The following CHN1 variants were observed in gnomAD, a reference collection of about 807,000 sequenced individuals.
The protein encoded by CHN1 is chimerin 1, also known as N-chimaerin.
A neutral mutation model predicts 59.5 loss-of-function variants in CHN1; 37 were observed. The observed-to-expected ratio is 0.62, with a 90% CI of 0.48 to 0.82. CHN1 has a LOEUF of 0.82. Among genes scored for constraint, CHN1 ranks in the 40% least tolerant of loss-of-function variants. The probability of loss-of-function intolerance (pLI) is 0.00; values close to 1 mark genes in which losing one functional copy is unlikely to be tolerated. For missense variants in CHN1, 469 were observed against 571.0 expected (o/e 0.82, Z 1.82); for synonymous variants, 206 against 200.4 (o/e 1.03, Z -0.24).
intron 5 of CHN1, among the ~76,000 whole-genome samples, chr2:174,885,704 C>T (rs1687875761): frequency 6.6e-6 from 1 of 152,042 alleles, no homozygotes; most frequent in South Asian, 2.1e-4. Context: ...CTCCTGGCTT[C>T]GTGTGACCTG....
intron 8 of CHN1, among the ~76,000 whole-genome samples, chr2:174,814,440 T>C (rs1558934765): frequency 6.6e-6 from 1 of 152,242 alleles, no homozygotes. Flanking sequence ...ACTGTCCACT[T>C]AAAAGATCTC....
At chr2:174,981,700 A>G (rs1208149727) in intron 1 of CHN1, among the ~76,000 whole-genome samples, 1 of 152,198 alleles carries the variant, frequency 6.6e-6, no homozygotes, top group African/African-American at 2.4e-5. Context: ...TTGCCCATTA[A>G]CTTAGGAAGC....
At chr2:174,901,867 G>T (rs1351839556) in intron 5 of CHN1, among the ~76,000 whole-genome samples, 1 of 152,024 alleles carries the variant, frequency 6.6e-6, no homozygotes, top group African/African-American at 2.4e-5. Context: ...GTGAAAATCA[G>T]AATTTTTAAA....
chr2:174,852,093 AT>A (rs1472543040), intron 6 of CHN1, among the ~76,000 whole-genome samples: 1 of 151,284 alleles, frequency 6.6e-6, no homozygotes, highest in African/African-American at 2.4e-5. Flanking sequence ...CCTGGCCAAC[AT>A]GATGAAACCC....
chr2:175,005,321 G>A lies in CHN1; in HGVS notation c.-409C>T. Reference sequence around the variant, plus strand: ...CAGCAGCCTCGCACAGCCCCCGGCGGGGCGCGCTCACTCCGCATCCCGCGG... The same window carrying A: ...CAGCAGCCTCGCACAGCCCCCGGCGAGGCGCGCTCACTCCGCATCCCGCGG... On this transcript the variant is annotated 5_prime_UTR_variant, in exon 1 of 13. Transcript: ENST00000409900. 8.5e-7 allele frequency: 1 copy of A among 1,179,766 alleles called. No individual in the cohort carries two copies. The highest frequency in any genetic ancestry group is 1.1e-6 in the Non-Finnish European group (1 of 935,984). 73.1% of individuals were successfully genotyped at this position (1,179,766 alleles called of 1,614,324 possible).
intron 1 of CHN1, among the ~76,000 whole-genome samples, chr2:174,995,402 C>T (rs1160629948): frequency 1.3e-5 from 2 of 152,202 alleles, no homozygotes; most frequent in Non-Finnish European, 2.9e-5. Flanking sequence ...CAGTGGTCCC[C>T]AACCTTTTTG....
intron 5 of CHN1, among the ~76,000 whole-genome samples, chr2:174,898,610 A>G (rs562551780): frequency 1.9e-3 from 296 of 152,314 alleles, no homozygotes; most frequent in Middle Eastern, 6.8e-3. Context: ...TCTCAAAAAA[A>G]CAAAGAAATT....
In CHN1 at chr2:174,799,055, G is replaced by A. The variant is rs1451427040; in HGVS notation, c.*1061C>T. On this transcript the variant is annotated 3_prime_UTR_variant, in exon 13 of 13. Coordinates refer to ENST00000409900, the MANE Select transcript of CHN1 (RefSeq NM_001822.7). ...AGGCAGCATTGTCAGCTCAATGCAT[G>A]TTGATGTCATATATTTTTGACAAAT... Among the ~76,000 whole-genome samples, 1 of 152,216 alleles carries A rather than the reference G, an allele frequency of 6.6e-6. No homozygotes were observed. Among genetic ancestry groups the A allele is most frequent in the African/African-American group, 2.4e-5 (1 of 41,446 alleles).
chr2:174,933,113 A>C (rs2105390341), intron 3 of CHN1, among the ~76,000 whole-genome samples: 1 of 152,258 alleles, frequency 6.6e-6, no homozygotes, highest in Middle Eastern at 3.4e-3. Context: ...TGAACAGGCT[A>C]TTTCTGTTGG....
chr2:174,860,741 C>T (rs888197535), intron 6 of CHN1, among the ~76,000 whole-genome samples: 1 of 152,144 alleles, frequency 6.6e-6, no homozygotes, highest in Non-Finnish European at 1.5e-5. Context: ...CATTTTCTAA[C>T]AAAAGTTGAA....
At chr2:174,826,428 T>G (rs1475041968) in intron 7 of CHN1, among the ~76,000 whole-genome samples, 1 of 152,190 alleles carries the variant, frequency 6.6e-6, no homozygotes, top group Non-Finnish European at 1.5e-5. Context: ...TGAAGCTACT[T>G]TTAGAGAAAG....
intron 1 of CHN1, among the ~76,000 whole-genome samples, chr2:174,966,410 A>C (rs550769866): frequency 6.6e-6 from 1 of 152,296 alleles, no homozygotes; most frequent in Non-Finnish European, 1.5e-5. Flanking sequence ...ATCACAGAAA[A>C]AAATATTTTG....
intron 3 of CHN1, among the ~76,000 whole-genome samples, chr2:174,942,390 T>G (rs1449136460): frequency 2.0e-5 from 3 of 152,178 alleles, no homozygotes; most frequent in Admixed American, 2.0e-4. Context: ...GACATTATGT[T>G]AAATGAAATA....
intron 6 of CHN1, among the ~76,000 whole-genome samples, chr2:174,852,157 C>T (rs1017716547): frequency 6.6e-6 from 1 of 151,722 alleles, no homozygotes; most frequent in African/African-American, 2.4e-5. Flanking sequence ...GGTGTGGTGG[C>T]AGGCACCTGT....
intron 6 of CHN1, among the ~76,000 whole-genome samples, chr2:174,870,557 A>C (rs532322742): frequency 9.2e-5 from 14 of 152,364 alleles, no homozygotes; most frequent in African/African-American, 3.4e-4. Flanking sequence ...ATGTGGTCTA[A>C]AGTGAGGATT....
At chr2:174,925,991 T>C (rs1388134250) in intron 3 of CHN1, among the ~76,000 whole-genome samples, 1 of 152,212 alleles carries the variant, frequency 6.6e-6, no homozygotes, top group Non-Finnish European at 1.5e-5. Flanking sequence ...AACAATAGCA[T>C]GGTTTGCATA....
chr2:174,873,576 G>A (rs1687473830), intron 6 of CHN1, among the ~76,000 whole-genome samples: 3 of 152,162 alleles, frequency 2.0e-5, no homozygotes. Context: ...AATTAACAAA[G>A]CAGACTGACC....
intron 3 of CHN1, among the ~76,000 whole-genome samples, chr2:174,940,823 C>T (rs1689636591): frequency 6.6e-6 from 1 of 152,128 alleles, no homozygotes; most frequent in African/African-American, 2.4e-5. Flanking sequence ...TACCTTGAGA[C>T]CATGTAAATA....
intron 1 of CHN1, among the ~76,000 whole-genome samples, chr2:174,977,065 T>C (rs966101648): frequency 1.3e-5 from 2 of 152,180 alleles, no homozygotes; most frequent in East Asian, 1.9e-4. Flanking sequence ...ATTCTTGAGT[T>C]TGATGAAATT....
Sources: allele counts gnomAD v4.1 joint callset (sites outside exome capture counted in the v4.1 genomes callset), GRCh38; gene constraint gnomAD v4.1.1; transcripts MANE v1.5; gene names NCBI Gene and HGNC (gene_info 2026-07-23, HGNC 2026-07-21).